Variants in COL4A1 observed in about 807,000 individuals in gnomAD.
COL4A1 encodes collagen alpha-1(IV) chain.
In COL4A1, 40 loss-of-function variants were observed where a neutral mutation model predicts 216.6. That is an observed-to-expected ratio of 0.18 (90% CI 0.14 to 0.24). The LOEUF (loss-of-function observed/expected upper bound fraction) is 0.24, where lower values mean the gene tolerates loss of function less well. COL4A1 is among the 10% of genes least tolerant of loss of function. COL4A1 has a pLI of 1.00. For synonymous variants in COL4A1, 839 were observed against 810.7 expected (o/e 1.03, Z -0.59); for missense variants, 1,628 against 2,196.8 (o/e 0.74, Z 5.18).
chr13:110,225,996 T>A (rs1055621896), intron 2 of COL4A1, among the ~76,000 whole-genome samples: 2 of 152,252 alleles, frequency 1.3e-5, no homozygotes, highest in Non-Finnish European at 2.9e-5. Context: ...TGGTCTGACT[T>A]CACTGCTTTT....
At chr13:110,225,769 C>T (rs1218017707) in intron 2 of COL4A1, among the ~76,000 whole-genome samples, 1 of 152,156 alleles carries the variant, frequency 6.6e-6, no homozygotes, top group Admixed American at 6.5e-5. Flanking sequence ...TTTTCATGCT[C>T]TCTCTTCAGT....
intron 1 of COL4A1, chr13:110,298,495 T>C (rs929558848): frequency 1.3e-5 from 2 of 152,216 alleles, no homozygotes; most frequent in Non-Finnish European, 2.9e-5. Flanking sequence ...AACCATTCCG[T>C]GGATGGTATT....
intron 14 of COL4A1, 66 bp downstream of exon 14, chr13:110,206,799 A>C: frequency 6.2e-7 from 1 of 1,610,516 alleles, no homozygotes; most frequent in South Asian, 1.1e-5. Context: ...TAAGGTGAAA[A>C]AAACTTGAAA....
intron 1 of COL4A1, among the ~76,000 whole-genome samples, chr13:110,301,125 C>T (rs966038669): frequency 3.3e-5 from 5 of 152,134 alleles, no homozygotes; most frequent in Admixed American, 2.6e-4. Flanking sequence ...CTCCAAATTC[C>T]AAATTAAGGG....
intron 22 of COL4A1, among the ~76,000 whole-genome samples, chr13:110,194,014 G>T (rs962697459): frequency 6.6e-6 from 1 of 152,190 alleles, no homozygotes; most frequent in South Asian, 2.1e-4. Flanking sequence ...CTGGGGGATG[G>T]ATAGCTAAGA....
intron 26 of COL4A1, 94 bp from the exon 27 acceptor site, chr13:110,183,370 C>T: frequency 8.5e-7 from 1 of 1,182,604 alleles, no homozygotes; most frequent in Non-Finnish European, 1.2e-6. Context: ...CACGCCACAT[C>T]CTACCCAGCA....
intron 1 of COL4A1, among the ~76,000 whole-genome samples, chr13:110,271,153 G>A (rs1479626506): frequency 6.6e-5 from 10 of 152,186 alleles, no homozygotes; most frequent in Admixed American, 4.6e-4. Context: ...GGGAGCAAAG[G>A]GAAAGCTCTT....
Position 110,175,282 on chromosome 13 carries a change from G to T in COL4A1, c.3134C>A (p.Ala1045Glu), listed in dbSNP as rs1877832196. 6 of 1,614,112 alleles carry T rather than the reference G, an allele frequency of 3.7e-6. No individual in the cohort carries two copies. The highest frequency in any genetic ancestry group is 3.3e-5 in the Admixed American group (2 of 59,998). ...GSPGLPGDKG[A>E]KGEKGQAGPP... ...GCCTGCCTGCCCTTTCTCTCCTTTT[G>T]CACCTTTGTCTCCAGGTAAGCCAGG... Residue 1045 changes from alanine (A) to glutamate (E), a missense_variant, in exon 37 of 52, where the codon GCA becomes GAA. Transcript: ENST00000375820.
chr13:110,227,250 T>C (rs1880774168), intron 2 of COL4A1, among the ~76,000 whole-genome samples: 1 of 152,148 alleles, frequency 6.6e-6, no homozygotes, highest in African/African-American at 2.4e-5. Flanking sequence ...TGGGTTACAG[T>C]TTGCAAATTA....
At chr13:110,190,609 T>C (rs1878585000) in intron 24 of COL4A1, 1 of 152,256 alleles carries the variant, frequency 6.6e-6, no homozygotes, top group South Asian at 2.1e-4. Flanking sequence ...TCTACTCTCC[T>C]GTGTGCTCGT....
intron 2 of COL4A1, among the ~76,000 whole-genome samples, chr13:110,219,668 A>G (rs202135160): frequency 1.7e-3 from 79 of 45,408 alleles, no homozygotes; most frequent in East Asian, 0.011. Flanking sequence ...ATATGTATAT[A>G]TATATATATG....
chr13:110,181,585 C>A (rs1878158629), intron 28 of COL4A1, among the ~76,000 whole-genome samples, 196 bp from the exon 29 acceptor site: 1 of 152,186 alleles, frequency 6.6e-6, no homozygotes, highest in African/African-American at 2.4e-5. Flanking sequence ...GTTGCTGTCT[C>A]TTCCAGCACC....
chr13:110,174,809 C>T (rs1198562250), intron 37 of COL4A1, 60 bp from the exon 38 acceptor site: 12 of 1,472,630 alleles, frequency 8.1e-6, no homozygotes, highest in Middle Eastern at 1.7e-4. Context: ...CATCTGTAGG[C>T]ATGTTATAGA....
intron 1 of COL4A1, among the ~76,000 whole-genome samples, chr13:110,305,180 G>T (rs1884634378): frequency 6.6e-6 from 1 of 152,206 alleles, no homozygotes; most frequent in African/African-American, 2.4e-5. Context: ...TGTGAGGTCA[G>T]CTGTGATCAG....
rs564267894 is a variant in COL4A1 at position 110,177,825 on chromosome 13, G to A, written c.2716+17C>T. 2.5e-6 allele frequency: 4 copies of A among 1,612,200 alleles called. No homozygotes were observed. The highest frequency in any genetic ancestry group is 1.3e-5 in the African/African-American group (1 of 74,988). ...AATAGACACAAAATGAGCTTCTAGG[G>A]TTATCAGCTCCCCTACCTTTTTCAC... On this transcript the variant is annotated intron_variant, in intron 33 of 51. Transcript: ENST00000375820.
chr13:110,284,309 C>T (rs1387707675), intron 1 of COL4A1, among the ~76,000 whole-genome samples: 2 of 152,206 alleles, frequency 1.3e-5, no homozygotes, highest in African/African-American at 4.8e-5. Flanking sequence ...ACCCACAAGC[C>T]ACAAGCATCT....
chr13:110,237,055 T>G (rs1216925751), intron 2 of COL4A1, among the ~76,000 whole-genome samples: 1 of 151,664 alleles, frequency 6.6e-6, no homozygotes, highest in Non-Finnish European at 1.5e-5. Context: ...CCCAGAGGAG[T>G]AGGCTCATTT....
chr13:110,197,922 C>T lies in COL4A1; in HGVS notation c.1285+545G>A, dbSNP rs59679345. Among the ~76,000 whole-genome samples, 120 of 152,264 alleles carry T rather than the reference C, an allele frequency of 7.9e-4. 1 individual carries two copies. The East Asian group carries it at 0.022, about 28-fold the overall frequency. ...GGCTTAAATCCTTGGAGATTTTCTT[C>T]GAATTTGCTTTGGTATTGTATTGGG... On this transcript the variant is annotated intron_variant, in intron 21 of 51. Transcript: ENST00000375820.
chr13:110,249,575 C>T (rs1267109194), intron 1 of COL4A1, among the ~76,000 whole-genome samples: 1 of 152,110 alleles, frequency 6.6e-6, no homozygotes, highest in Admixed American at 6.6e-5. Context: ...ACGTTGGATC[C>T]TGGTTACTCG....
Sources: allele counts gnomAD v4.1 joint callset (sites outside exome capture counted in the v4.1 genomes callset), GRCh38; gene constraint gnomAD v4.1.1; transcripts MANE v1.5; gene names NCBI Gene and HGNC (gene_info 2026-07-23, HGNC 2026-07-21).